TTC19: variants seen among roughly 807,000 people sequenced by gnomAD.
The protein encoded by TTC19 is tetratricopeptide repeat domain 19, also known as tetratricopeptide repeat protein 19, mitochondrial.
A neutral mutation model predicts 49.5 loss-of-function variants in TTC19; 38 were observed. That is an observed-to-expected ratio of 0.77 (90% CI 0.59 to 1.01). The LOEUF (loss-of-function observed/expected upper bound fraction) is 1.01. TTC19 is among the 50% of genes least tolerant of loss of function. TTC19 has a pLI of 0.00. For missense variants in TTC19, 475 were observed against 477.7 expected (o/e 0.99, Z 0.05); for synonymous variants, 204 against 185.2 (o/e 1.10, Z -0.83).
chr17:16,024,405 CCT>C (rs1971483392), intron 7 of TTC19: 1 of 153,410 alleles, frequency 6.5e-6, no homozygotes, highest in Non-Finnish European at 1.4e-5. Flanking sequence ...ACGCCATTCC[CCT>C]GCCTCAGCCT....
rs140479089 is a variant in TTC19 at position 16,009,115 on chromosome 17, G to A, written c.676+2547G>A. 4.7e-4 allele frequency among the ~76,000 whole-genome samples: 71 copies of A among 152,256 alleles called. No individual in the cohort carries two copies. The East Asian group carries it at 0.012, about 26-fold the overall frequency. On this transcript the variant is annotated intron_variant, in intron 7 of 9. Transcript: ENST00000261647. ...ATGAAAGAACAAAAGACCCAAGAAAGACCAGCAAATAAATCCAGTTTCAGT... is the reference window on the plus strand; with the variant it reads ...ATGAAAGAACAAAAGACCCAAGAAAAACCAGCAAATAAATCCAGTTTCAGT...
chr17:16,008,049 GTC>G (rs1174224686), intron 7 of TTC19, among the ~76,000 whole-genome samples: 1 of 152,140 alleles, frequency 6.6e-6, no homozygotes, highest in African/African-American at 2.4e-5. Flanking sequence ...TGCCTCACTG[GTC>G]TCTCTAGTGA....
At chr17:16,005,156 A>G (rs979453184) in intron 6 of TTC19, among the ~76,000 whole-genome samples, 1 of 152,228 alleles carries the variant, frequency 6.6e-6, no homozygotes, top group African/African-American at 2.4e-5. Context: ...TTAGCCTCTG[A>G]GTTACATGGT....
intron 9 of TTC19, 35 bp from the exon 10 acceptor site, chr17:16,027,339 T>A: frequency 6.2e-7 from 1 of 1,612,610 alleles, no homozygotes; most frequent in Non-Finnish European, 8.5e-7. Context: ...ACATACACTT[T>A]CTTCTTACTG....
At position 16,000,271 on chromosome 17, in the gene TTC19, C is replaced by T. The variant is rs376452760; in HGVS notation, c.312+26C>T. The T allele has an allele frequency of 6.3e-6, 10 of 1,592,336 alleles. No homozygotes were observed. In the African/African-American group the frequency reaches 8.0e-5, roughly 13 times the overall value. On this transcript the variant is annotated intron_variant, in intron 2 of 9. Coordinates refer to ENST00000261647, the MANE Select transcript of TTC19 (RefSeq NM_017775.4). ...GTGAGGCGGCTCCGGGCCCTGCGCC[C>T]GGCCGAGCGCGGTAGCCTTTGTGAG...
At chr17:16,039,027 C>A (rs373688637) in intron 2 of TTC19, among the ~76,000 whole-genome samples, 29 of 152,338 alleles carry the variant, frequency 1.9e-4, no homozygotes, top group South Asian at 1.4e-3. Flanking sequence ...CCTCCGCCCC[C>A]CAAAGTGCTG....
chr17:16,006,682 AAAT>A, intron 7 of TTC19, 114 bp downstream of exon 7: 1 of 735,100 alleles, frequency 1.4e-6, no homozygotes, highest in South Asian at 1.6e-5. Flanking sequence ...CTATTTTGCA[AAAT>A]AAGTGTCTGT....
chr17:16,040,622 C>A, intron 2 of TTC19: 1 of 845,324 alleles, frequency 1.2e-6, no homozygotes, highest in Non-Finnish European at 1.9e-6. Flanking sequence ...TATTTCTCAC[C>A]CATTAAGTGA....
At chr17:16,015,711 C>T (rs1034021899) in intron 7 of TTC19, among the ~76,000 whole-genome samples, 2 of 152,104 alleles carry the variant, frequency 1.3e-5, no homozygotes, top group Admixed American at 1.3e-4. Flanking sequence ...CTTCTCTGTT[C>T]TCAGCTTCCT....
chr17:16,000,493 C>A lies in TTC19; in HGVS notation c.312+248C>A, dbSNP rs1034371160. 16 of 1,096,648 alleles carry A rather than the reference C, an allele frequency of 1.5e-5. No individual in the cohort carries two copies. The Admixed American group carries it at 5.5e-4, about 38-fold the overall frequency. The allele number at this position is 1,096,648 out of a possible 1,614,324, so 67.9% of individuals were successfully genotyped here. A position where few individuals can be genotyped will look rare whatever the true frequency, so the allele number is the denominator to read the frequency against. Reference sequence around the variant, plus strand: ...AATGGAGATGGCGCCCTAGGCATCACGCTTTATGCAAACGAAATATCGGGA... The same window carrying A: ...AATGGAGATGGCGCCCTAGGCATCAAGCTTTATGCAAACGAAATATCGGGA... On this transcript the variant is annotated intron_variant, in intron 2 of 9. Coordinates refer to ENST00000261647, the MANE Select transcript of TTC19 (RefSeq NM_017775.4).
intron 3 of TTC19, 177 bp from the exon 4 acceptor site, chr17:16,002,616 T>G (rs1970775428): frequency 3.1e-6 from 2 of 654,742 alleles, no homozygotes; most frequent in African/African-American, 3.6e-5. Flanking sequence ...GTGCAAGTAT[T>G]TAATTCTCAC....
intron 7 of TTC19, 147 bp downstream of exon 7, chr17:16,006,715 G>T: frequency 1.7e-6 from 1 of 601,584 alleles, no homozygotes; most frequent in African/African-American, 1.9e-5. Flanking sequence ...ATCAGCAGAA[G>T]TTTTGGAATA....
exon 3 of TTC19, chr17:16,044,736 T>C (rs1003078180): frequency 1.3e-6 from 1 of 762,198 alleles, no homozygotes; most frequent in East Asian, 2.5e-5. Flanking sequence ...GGTGTAAATG[T>C]TGAACCTTTT....
intron 2 of TTC19, among the ~76,000 whole-genome samples, chr17:16,037,890 A>G (rs540044696): frequency 4.6e-5 from 7 of 152,222 alleles, no homozygotes; most frequent in Non-Finnish European, 1.0e-4. Flanking sequence ...CCAGGTCATC[A>G]GCAAATTTTT....
chr17:16,036,491 G>C (rs1408094197), intron 2 of TTC19, among the ~76,000 whole-genome samples: 1 of 152,118 alleles, frequency 6.6e-6, no homozygotes, highest in African/African-American at 2.4e-5. Context: ...TTGAAGTTTT[G>C]GACTCTTCCA....
chr17:16,000,703 T>G (rs1433228244), intron 2 of TTC19, among the ~76,000 whole-genome samples: 5 of 152,128 alleles, frequency 3.3e-5, no homozygotes. Flanking sequence ...TTATCTCATC[T>G]CTTCCATTGA....
chr17:16,002,956 A>G, intron 4 of TTC19, 125 bp downstream of exon 4: 2 of 908,214 alleles, frequency 2.2e-6, no homozygotes, highest in South Asian at 2.8e-5. Flanking sequence ...CTCAAACAAG[A>G]TAAAAGTGTA....
At chr17:16,044,435 C>T (rs200747717) in intron 2 of TTC19, 5 of 471,800 alleles carry the variant, frequency 1.1e-5, no homozygotes, top group Admixed American at 4.7e-5. Context: ...ACTTTCCTTT[C>T]TTTTGACAGG....
intron 2 of TTC19, among the ~76,000 whole-genome samples, chr17:16,043,783 C>CA (rs1597745054): frequency 6.6e-6 from 1 of 152,164 alleles, no homozygotes; most frequent in African/African-American, 2.4e-5. Flanking sequence ...AAATTGAAAA[C>CA]AAGAGTATAT....
Sources: gnomAD v4.1 joint callset for allele counts (sites outside exome capture counted in the v4.1 genomes callset) on GRCh38, gnomAD v4.1.1 for gene constraint, MANE v1.5 for transcripts, NCBI Gene and HGNC (gene_info 2026-07-23, HGNC 2026-07-21) for gene names.